DPP6: variants seen among roughly 807,000 people sequenced by gnomAD.
The protein encoded by DPP6 is A-type potassium channel modulatory protein DPP6.
A neutral mutation model predicts 122.6 loss-of-function variants in DPP6; 69 were observed. The observed-to-expected ratio is 0.56, with a 90% CI of 0.46 to 0.69. DPP6 has a LOEUF of 0.69. DPP6 is among the 30% of genes least tolerant of loss of function. The pLI, the probability that DPP6 is intolerant of heterozygous loss-of-function variation, is 0.00. For missense variants in DPP6, 928 were observed against 1,116.9 expected (o/e 0.83, Z 2.41); for synonymous variants, 418 against 433.1 (o/e 0.97, Z 0.43).
intron 12 of DPP6, among the ~76,000 whole-genome samples, chr7:154,800,862 G>A (rs909523917): frequency 2.6e-5 from 4 of 152,198 alleles, no homozygotes; most frequent in African/African-American, 9.7e-5. Context: ...GAAAAGACAG[G>A]ATTGAAAGAA....
intron 6 of DPP6, among the ~76,000 whole-genome samples, chr7:154,649,329 A>C (rs1489054073): frequency 6.6e-6 from 1 of 152,316 alleles, no homozygotes; most frequent in Non-Finnish European, 1.5e-5. Context: ...AGTATGAATA[A>C]AAGTGCTGTG....
chr7:154,857,665 G>T (rs976108899), intron 17 of DPP6, among the ~76,000 whole-genome samples: 13 of 152,348 alleles, frequency 8.5e-5, no homozygotes, highest in South Asian at 2.1e-4. Context: ...CAGGTGCCTG[G>T]TGCTTCCAGG....
chr7:153,794,501 A>G, the DPP6 span, among the ~76,000 whole-genome samples: 1 of 152,156 alleles, frequency 6.6e-6, no homozygotes, highest in South Asian at 2.1e-4. Flanking sequence ...TAGGAAGTTA[A>G]CTAGCTTACT....
At chr7:154,180,386 AAT>A (rs982970784) in intron 1 of DPP6, among the ~76,000 whole-genome samples, 91 of 146,064 alleles carry the variant, frequency 6.2e-4, no homozygotes, top group Non-Finnish European at 1.1e-3. Context: ...TATATATATA[AAT>A]ATATATATAT....
At chr7:154,676,257 C>CCATGGGGCGTGCTGT (rs1838898087) in intron 7 of DPP6, among the ~76,000 whole-genome samples, 6 of 124,644 alleles carry the variant, frequency 4.8e-5, no homozygotes, top group African/African-American at 1.9e-4. Context: ...TTCCGGGCTG[C>CCATGGGGCGTGCTGT]GGCCATGGGG....
chr7:154,029,380 G>T (rs944084119), intron 1 of DPP6, among the ~76,000 whole-genome samples: 1 of 151,712 alleles, frequency 6.6e-6, no homozygotes, highest in Non-Finnish European at 1.5e-5. Context: ...AGCTGGGCGC[G>T]GTGGCGGGCG....
the DPP6 span, among the ~76,000 whole-genome samples, chr7:153,838,321 G>A: frequency 6.6e-6 from 1 of 152,138 alleles, no homozygotes; most frequent in Non-Finnish European, 1.5e-5. Context: ...GCCAAAGAGA[G>A]ACAATTTCTC....
chr7:154,326,952 G>A (rs1808495991), intron 1 of DPP6, among the ~76,000 whole-genome samples: 1 of 152,174 alleles, frequency 6.6e-6, no homozygotes, highest in African/African-American at 2.4e-5. Flanking sequence ...GGTCGCTAGA[G>A]GGTGGGCAGA....
chr7:154,086,854 T>C (rs562736055), intron 1 of DPP6, among the ~76,000 whole-genome samples: 1 of 152,244 alleles, frequency 6.6e-6, no homozygotes, highest in South Asian at 2.1e-4. Flanking sequence ...CCTGACCTCA[T>C]GATCCACCTG....
chr7:154,580,409 T>C (rs1465033667), intron 5 of DPP6, among the ~76,000 whole-genome samples: 1 of 152,194 alleles, frequency 6.6e-6, no homozygotes, highest in African/African-American at 2.4e-5. Flanking sequence ...TTGTGAATGA[T>C]GAATGGAACG....
At chr7:153,971,565 A>G (rs77402860) in intron 1 of DPP6, among the ~76,000 whole-genome samples, 27,007 of 111,588 alleles carry the variant, frequency 0.24, 5,720 homozygotes, top group Non-Finnish European at 0.34. Flanking sequence ...TCAGTTTCTC[A>G]TAGATATCAT....
intron 1 of DPP6, among the ~76,000 whole-genome samples, chr7:154,290,045 G>A (rs1164258455): frequency 6.6e-6 from 1 of 152,166 alleles, no homozygotes; most frequent in African/African-American, 2.4e-5. Flanking sequence ...CCATCATTAC[G>A]AAATCATTTA....
At chr7:154,884,513 TCACACA>T (rs753960691) in intron 21 of DPP6, 1 of 145,296 alleles carries the variant, frequency 6.9e-6, no homozygotes. Flanking sequence ...ATACACATGC[TCACACA>T]CATTCACATT....
chr7:154,457,879 A>G (rs1820933621), intron 2 of DPP6, among the ~76,000 whole-genome samples: 1 of 19,600 alleles, frequency 5.1e-5, no homozygotes, highest in Admixed American at 7.1e-4. Context: ...GCTAGATGAC[A>G]CATTAGTGGG....
intron 8 of DPP6, among the ~76,000 whole-genome samples, chr7:154,768,548 C>T (rs1032598009): frequency 3.3e-5 from 5 of 152,118 alleles, no homozygotes; most frequent in African/African-American, 1.2e-4. Context: ...ACCCCTTGAC[C>T]TAAGAGCTGT....
chr7:154,282,401 A>G lies in DPP6; in HGVS notation c.244-163813A>G, dbSNP rs766074900. Reference sequence around the variant, plus strand: ...CTGTTAACTGAGCAGAGGCAGCCGTACCTGGGGTGCTGATTAGCACTGTGC... The same window carrying G: ...CTGTTAACTGAGCAGAGGCAGCCGTGCCTGGGGTGCTGATTAGCACTGTGC... On this transcript the variant is annotated intron_variant, in intron 1 of 25. Transcript: ENST00000377770. The surrounding 1 kb of genome is among the most constrained non-coding windows in gnomAD (Gnocchi z 4.8). Among the ~76,000 whole-genome samples, 13 of 152,192 alleles carry G rather than the reference A, an allele frequency of 8.5e-5. No homozygotes were observed. Among genetic ancestry groups the G allele is most frequent in the Non-Finnish European group, 1.9e-4 (13 of 68,046 alleles).
In DPP6 at chr7:154,875,736, T is replaced by G. The variant is rs140965261; in HGVS notation, c.1884-170T>G. ...TCCTCCTCACTTTATGGGGTGTGGA[T>G]AACACCTGGCTCACCTGCCCGGGGC... is the stretch of plus-strand genomic sequence containing the variant. On this transcript the variant is annotated intron_variant, in intron 19 of 25. Transcript: ENST00000377770. The surrounding 1 kb of genome is among the most constrained non-coding windows in gnomAD (Gnocchi z 4.5). Among the ~76,000 whole-genome samples, 1,180 of 152,238 alleles carry G rather than the reference T, an allele frequency of 7.8e-3. 16 individuals carry two copies. Among genetic ancestry groups the G allele is most frequent in the African/African-American group, 0.027 (1,105 of 41,546 alleles).
At chr7:154,806,192 A>G (rs1474636895) in intron 15 of DPP6, among the ~76,000 whole-genome samples, 1 of 152,218 alleles carries the variant, frequency 6.6e-6, no homozygotes, top group Non-Finnish European at 1.5e-5. Context: ...TAAATTACAG[A>G]ATGAGAAGGT....
At chr7:154,339,294 C>T (rs1375940183) in intron 1 of DPP6, among the ~76,000 whole-genome samples, 1 of 152,158 alleles carries the variant, frequency 6.6e-6, no homozygotes, top group African/African-American at 2.4e-5. Flanking sequence ...AGGACAGGGA[C>T]GTGGGGTGGT....
Sources: allele counts gnomAD v4.1 joint callset (sites outside exome capture counted in the v4.1 genomes callset), GRCh38; gene constraint gnomAD v4.1.1; non-coding constraint Gnocchi (gnomAD v3.1); transcripts MANE v1.5; gene names NCBI Gene and HGNC (gene_info 2026-07-23, HGNC 2026-07-21).